LMTK2: variants seen among roughly 807,000 people sequenced by gnomAD.
LMTK2 encodes the protein serine/threonine-protein kinase LMTK2.
LMTK2 carries 37 observed loss-of-function variants against 127.5 expected under a neutral mutation model. The observed-to-expected ratio is 0.29, with a 90% CI of 0.22 to 0.38. LMTK2 has a LOEUF of 0.38. LMTK2 is among the 10% of genes least tolerant of loss of function. The pLI is 1.00. For missense variants in LMTK2, 1,694 were observed against 1,920.3 expected, an observed-to-expected ratio of 0.88 and a Z score of 2.20; for synonymous variants, 819 against 810.1, an observed-to-expected ratio of 1.01 and a Z score of -0.19.
chr7:98,116,941 G>A (rs1182788446), intron 1 of LMTK2, among the ~76,000 whole-genome samples: 3 of 152,200 alleles, frequency 2.0e-5, no homozygotes, highest in South Asian at 4.1e-4. Context: ...TTTTTCTCAC[G>A]ATTAGACTGG....
chr7:98,150,371 G>A (rs905359280), intron 3 of LMTK2, among the ~76,000 whole-genome samples: 7 of 151,858 alleles, frequency 4.6e-5, no homozygotes, highest in African/African-American at 1.2e-4. Context: ...GAATGGCTAA[G>A]ATGAATAAGA....
chr7:98,184,285 T>C (rs930120911), intron 7 of LMTK2, among the ~76,000 whole-genome samples: 2 of 152,188 alleles, frequency 1.3e-5, no homozygotes, highest in African/African-American at 4.8e-5. Flanking sequence ...GTTTGAGGTC[T>C]TTGAGAAGAG....
chr7:98,203,957 G>A lies in LMTK2; in HGVS notation c.4254G>A (p.Glu1418=), dbSNP rs1797748134. 1 of 1,613,968 alleles carries A rather than the reference G, an allele frequency of 6.2e-7. No individual in the cohort carries two copies. Residue 1418 remains glutamate, a synonymous_variant, in exon 13 of 14, where the codon GAG becomes GAA. Coordinates refer to ENST00000297293, the MANE Select transcript of LMTK2 (RefSeq NM_014916.4). ...TTTTATTTCTAGGTGGTGGCTTTGA[G>A]TGGGATGATGACTTCTCCCCAGATC... ...SSTDEEGGGF[E]WDDDFSPDPF... is the part of the protein sequence containing the mutation.
At chr7:98,165,525 C>A (rs1398361766) in intron 6 of LMTK2, among the ~76,000 whole-genome samples, 1 of 152,098 alleles carries the variant, frequency 6.6e-6, no homozygotes, top group Admixed American at 6.5e-5. Flanking sequence ...CTATATTGCC[C>A]AGGCTGGTCT....
rs563367653 is a variant in LMTK2 at position 98,199,514 on chromosome 7, G to A, written c.4108-4060G>A. ...CTGCTCCAGCTTTCTTTCTTTTTTC[G>A]GAGACAGTCTCACTTTGTCACCCAG... On this transcript the variant is annotated intron_variant, in intron 11 of 13. Coordinates refer to ENST00000297293, the MANE Select transcript of LMTK2 (RefSeq NM_014916.4). 2.7e-5 allele frequency among the ~76,000 whole-genome samples: 4 copies of A among 147,952 alleles called. No homozygotes were observed. In the East Asian group the frequency reaches 5.8e-4, roughly 22 times the overall value.
intron 1 of LMTK2, among the ~76,000 whole-genome samples, chr7:98,125,452 A>G (rs1584248740): frequency 6.6e-6 from 1 of 152,264 alleles, no homozygotes. Context: ...CAGAACCTAT[A>G]GCAGCACCTG....
chr7:98,180,300 G>A (rs1797336408), intron 7 of LMTK2, among the ~76,000 whole-genome samples: 1 of 152,164 alleles, frequency 6.6e-6, no homozygotes, highest in Admixed American at 6.5e-5. Flanking sequence ...TTGCCTTTCT[G>A]TAAAGACATA....
intron 7 of LMTK2, among the ~76,000 whole-genome samples, chr7:98,181,995 A>G (rs1032307485): frequency 3.9e-5 from 6 of 152,214 alleles, no homozygotes; most frequent in African/African-American, 1.4e-4. Flanking sequence ...GGACTATTCA[A>G]TGGAGAAAGG....
At chr7:98,109,006 C>A (rs575226715) in intron 1 of LMTK2, among the ~76,000 whole-genome samples, 16 of 152,038 alleles carry the variant, frequency 1.1e-4, no homozygotes, top group African/African-American at 3.9e-4. Context: ...GGACTACAGG[C>A]CCCTGCCACC....
intron 3 of LMTK2, among the ~76,000 whole-genome samples, chr7:98,149,986 C>T (rs1032750005): frequency 6.6e-6 from 1 of 152,030 alleles, no homozygotes; most frequent in African/African-American, 2.4e-5. Context: ...GATATGTCAC[C>T]TCAGAAGATA....
Position 98,208,687 on chromosome 7 carries a change from G to A in LMTK2, c.*3195G>A, listed in dbSNP as rs1401213735. ...ATGACCCTGTCAATAAGCCAGAAAG[G>A]GCAACCCAGAAAAAGTGCTCCCCAC... On this transcript the variant is annotated 3_prime_UTR_variant, in exon 14 of 14. Transcript: ENST00000297293. The A allele has an allele frequency of 6.6e-6, 1 of 152,180 alleles. No individual in the cohort carries two copies. Among genetic ancestry groups the A allele is most frequent in the African/African-American group, 2.4e-5 (1 of 41,424 alleles). 9.4% of individuals were successfully genotyped at this position (152,180 alleles called of 1,614,324 possible). A position where few individuals can be genotyped will look rare whatever the true frequency, so the allele number is the denominator to read the frequency against.
Position 98,204,011 on chromosome 7 carries a change from G to C in LMTK2, c.4308G>C (p.Leu1436=), listed in dbSNP as rs1405683208. The change falls in exon 13 of 14, where the codon CTG becomes CTC. Residue 1436 remains leucine, a synonymous_variant. Coordinates refer to ENST00000297293, the MANE Select transcript of LMTK2 (RefSeq NM_014916.4). The stretch of plus-strand genomic sequence containing the variant: ...TTATGTCAAAGACAACAAGTAACCT[G>C]CTCAGCTCCAAGCCTTCTCTCCAAA... ...DPFMSKTTSN[L]LSSKPSLQTS... 5.0e-6 allele frequency: 8 copies of C among 1,614,088 alleles called. No homozygotes were observed. Among genetic ancestry groups the C allele is most frequent in the Non-Finnish European group, 6.8e-6 (8 of 1,180,058 alleles).
chr7:98,177,192 G>A (rs1797290803), intron 7 of LMTK2, among the ~76,000 whole-genome samples: 2 of 152,192 alleles, frequency 1.3e-5, no homozygotes, highest in African/African-American at 4.8e-5. Context: ...AATTTGTTGT[G>A]GCTTTTTATA....
chr7:98,166,124 C>T (rs770044995), intron 6 of LMTK2, among the ~76,000 whole-genome samples: 49 of 152,264 alleles, frequency 3.2e-4, no homozygotes, highest in Admixed American at 1.2e-3. Context: ...TGGCCAGGCC[C>T]TTCCGGTCTT....
intron 11 of LMTK2, among the ~76,000 whole-genome samples, chr7:98,196,972 C>T (rs1797631109): frequency 6.6e-6 from 1 of 152,346 alleles, no homozygotes; most frequent in South Asian, 2.1e-4. Context: ...AGGCCGAGGA[C>T]TGAGGGTTTC....
chr7:98,159,230 GA>G (rs1280145830), intron 5 of LMTK2, 107 bp from the exon 6 acceptor site: 5 of 590,714 alleles, frequency 8.5e-6, no homozygotes, highest in African/African-American at 7.6e-5. Context: ...AAATTATTAT[GA>G]AAAAATTTGG....
At chr7:98,143,654 C>G (rs1345446113) in intron 3 of LMTK2, among the ~76,000 whole-genome samples, 2 of 152,148 alleles carry the variant, frequency 1.3e-5, no homozygotes, top group Admixed American at 6.5e-5. Flanking sequence ...GAGCAGCAGG[C>G]AGTCTCATCC....
chr7:98,122,918 G>C (rs1362548302), intron 1 of LMTK2, among the ~76,000 whole-genome samples: 1 of 151,278 alleles, frequency 6.6e-6, no homozygotes, highest in Non-Finnish European at 1.5e-5. Flanking sequence ...TATCAGCTCT[G>C]TTTCTTTGTC....
At chr7:98,187,816 C>G (rs1341422169) in intron 9 of LMTK2, among the ~76,000 whole-genome samples, 1 of 151,996 alleles carries the variant, frequency 6.6e-6, no homozygotes, top group East Asian at 1.9e-4. Context: ...TGGCTGGTCT[C>G]GAACTCCTGA....
Sources: gnomAD v4.1 joint callset for allele counts (sites outside exome capture counted in the v4.1 genomes callset) on GRCh38, gnomAD v4.1.1 for gene constraint, MANE v1.5 for transcripts, NCBI Gene and HGNC (gene_info 2026-07-23, HGNC 2026-07-21) for gene names.